TTPA: variants seen among roughly 807,000 people sequenced by gnomAD.
TTPA encodes the protein alpha-tocopherol transfer protein.
In TTPA, 23 loss-of-function variants were observed where a neutral mutation model predicts 25.9. The observed-to-expected ratio is 0.89, with a 90% CI of 0.64 to 1.26. The LOEUF (loss-of-function observed/expected upper bound fraction) is 1.26, where lower values mean the gene tolerates loss of function less well. Among genes scored for constraint, TTPA ranks in the 50% most tolerant of loss-of-function variants. TTPA has a pLI of 0.00. For missense variants in TTPA, 337 were observed against 353.1 expected (o/e 0.95, Z 0.37); for synonymous variants, 148 against 137.3 (o/e 1.08, Z -0.54).
intron 1 of TTPA, among the ~76,000 whole-genome samples, chr8:63,082,171 C>T (rs921273202): frequency 2.0e-5 from 3 of 152,138 alleles, no homozygotes; most frequent in African/African-American, 7.2e-5. Flanking sequence ...CAAAAAAGAG[C>T]CCACATTGCC....
At chr8:63,082,232 C>T (rs1270731699) in intron 1 of TTPA, among the ~76,000 whole-genome samples, 1 of 152,152 alleles carries the variant, frequency 6.6e-6, no homozygotes, top group Non-Finnish European at 1.5e-5. Context: ...TGCTACCTGA[C>T]TTCAAACTAC....
intron 2 of TTPA, among the ~76,000 whole-genome samples, chr8:63,068,895 C>T (rs1161191614): frequency 6.6e-6 from 1 of 152,184 alleles, no homozygotes. Flanking sequence ...TGGCTCACAC[C>T]TGTGATCCCA....
In TTPA at chr8:63,066,083, T is replaced by C. The variant is rs1270777752; in HGVS notation, c.373A>G (p.Lys125Glu). Residue 125 changes from lysine to glutamate, a missense_variant, in exon 3 of 5, where the codon AAA becomes GAA. Transcript: ENST00000260116. ...LIYRIAHWDP[K>E]VFTAYDVFRV... ...AATACGTCATAAGCTGTAAAAACTT[T>C]GGGGTCCCAGTGTGCTAAAAAAAAT... The C allele has an allele frequency of 4.6e-6, 7 of 1,530,408 alleles. No homozygotes were observed. Among genetic ancestry groups the C allele is most frequent in the East Asian group, 2.4e-5 (1 of 42,068 alleles). 94.8% of individuals were successfully genotyped at this position (1,530,408 alleles called of 1,614,324 possible). A position where few individuals can be genotyped will look rare whatever the true frequency, so the allele number is the denominator to read the frequency against.
At chr8:63,075,706 A>G (rs1805552112) in intron 1 of TTPA, among the ~76,000 whole-genome samples, 1 of 151,048 alleles carries the variant, frequency 6.6e-6, no homozygotes, top group South Asian at 2.1e-4. Flanking sequence ...CTCAAAAAAA[A>G]AAAAAAAAAA....
intron 1 of TTPA, among the ~76,000 whole-genome samples, chr8:63,081,478 T>G (rs116634539): frequency 0.017 from 2,597 of 152,212 alleles, 79 homozygotes; most frequent in African/African-American, 0.06. Context: ...ACTAGATATT[T>G]ATGGAACGTA....
At chr8:63,069,291 T>TAA (rs36009249) in intron 2 of TTPA, among the ~76,000 whole-genome samples, 2 of 143,246 alleles carry the variant, frequency 1.4e-5, no homozygotes, top group East Asian at 2.0e-4. Flanking sequence ...CTATAATGAT[T>TAA]AAAAAAAAAA....
chr8:63,074,829 G>A (rs1805537106), intron 1 of TTPA, among the ~76,000 whole-genome samples: 1 of 152,132 alleles, frequency 6.6e-6, no homozygotes, highest in Admixed American at 6.5e-5. Context: ...TTCATTAGAA[G>A]GGATCATTTA....
chr8:63,064,184 G>T, intron 4 of TTPA, 22 bp downstream of exon 4: 1 of 1,543,100 alleles, frequency 6.5e-7, no homozygotes, highest in South Asian at 1.1e-5. Flanking sequence ...GAGGAACACA[G>T]ACTTGAATAT....
intron 4 of TTPA, 71 bp downstream of exon 4, chr8:63,064,135 G>C (rs1805350634): frequency 9.0e-7 from 1 of 1,111,234 alleles, no homozygotes; most frequent in African/African-American, 1.5e-5. Context: ...AGATGATAAA[G>C]CAATCCTTAA....
Position 63,085,756 on chromosome 8 carries a change from TG to T in TTPA, c.204+61del, listed in dbSNP as rs1585698353. The T allele has an allele frequency of 1.6e-5, 23 of 1,463,660 alleles. No homozygotes were observed. In the East Asian group the frequency reaches 6.3e-4, roughly 40 times the overall value. The allele number at this position is 1,463,660 out of a possible 1,614,324, so 90.7% of individuals were successfully genotyped here. A position where few individuals can be genotyped will look rare whatever the true frequency, so the allele number is the denominator to read the frequency against. On this transcript the variant is annotated intron_variant, in intron 1 of 4. Transcript: ENST00000260116. The stretch of plus-strand genomic sequence containing the variant: ...GGCAGGGGTCAGATATCCGGGGTCG[TG>T]GGGCGGGGGACGGGGCGGGTGAGGT...
rs749637195 is a variant in TTPA at position 63,061,227 on chromosome 8, G to C, written c.*25C>G. On this transcript the variant is annotated 3_prime_UTR_variant, in exon 5 of 5. Transcript: ENST00000260116. ...ATATCACTCATGTATTTTTAGTTAG[G>C]AAGCCATTCACATGACATAACTTCT... is the stretch of plus-strand genomic sequence containing the variant. 6.2e-7 allele frequency: 1 copy of C among 1,609,476 alleles called. No individual in the cohort carries two copies. The highest frequency in any genetic ancestry group is 1.7e-5 in the Admixed American group (1 of 60,008).
intron 3 of TTPA, 110 bp downstream of exon 3, chr8:63,065,794 G>A: frequency 8.3e-7 from 1 of 1,204,688 alleles, no homozygotes; most frequent in Admixed American, 2.1e-5. Flanking sequence ...TTCCAAAATT[G>A]TATTTAAATT....
rs371651447 is a variant in TTPA, at chr8:63,073,075, T to C, written c.218A>G (p.Tyr73Cys). ...LDLAWRLLKN[Y>C]YKWRAECPEI... ...TGGACATTCTGCTCTCCACTTATAA[T>C]AGTTTTTTAGTAACTGAAAAATAAA... Residue 73 changes from tyrosine (Y) to cysteine (C), a missense_variant, in exon 2 of 5, where the codon TAT (tyrosine) becomes TGT (cysteine). Tyr to Cys is a radical substitution (Grantham distance 194, BLOSUM62 -2). Transcript: ENST00000260116. 8.1e-6 allele frequency: 13 copies of C among 1,610,384 alleles called. No homozygotes were observed. The highest frequency in any genetic ancestry group is 7.7e-5 in the South Asian group (7 of 90,954).
At chr8:63,082,332 A>C (rs1419156739) in intron 1 of TTPA, among the ~76,000 whole-genome samples, 3 of 152,170 alleles carry the variant, frequency 2.0e-5, no homozygotes, top group Non-Finnish European at 4.4e-5. Flanking sequence ...CTCAGAAATA[A>C]CACCACACAT....
intron 2 of TTPA, among the ~76,000 whole-genome samples, chr8:63,071,689 G>A (rs1160057914): frequency 6.6e-6 from 1 of 152,056 alleles, no homozygotes; most frequent in African/African-American, 2.4e-5. Flanking sequence ...TCATGAGGAT[G>A]GAACCCTCAT....
At chr8:63,075,445 C>T (rs769572741) in intron 1 of TTPA, among the ~76,000 whole-genome samples, 1 of 152,080 alleles carries the variant, frequency 6.6e-6, no homozygotes, top group Admixed American at 6.5e-5. Flanking sequence ...TCCAGCCAGG[C>T]ACAGTGGCTC....
chr8:63,085,987 G>T lies in TTPA; in HGVS notation c.35C>A (p.Pro12Gln). The change falls in exon 1 of 5, where the codon CCG becomes CAG. Residue 12 changes from proline (P) to glutamine (Q), a missense_variant. Pro to Gln is a moderately conservative substitution (Grantham distance 76, BLOSUM62 -1). Coordinates refer to ENST00000260116, the MANE Select transcript of TTPA (RefSeq NM_000370.3). ...AEARSQPSAG[P>Q]QLNALPDHSP... ...GTGGTCCGGTAGCGCGTTGAGCTGC[G>T]GCCCCGCCGAGGGCTGGGATCGCGC... is the stretch of plus-strand genomic sequence containing the variant. 6.7e-7 allele frequency: 1 copy of T among 1,494,178 alleles called. No individual in the cohort carries two copies. The highest frequency in any genetic ancestry group is 8.8e-7 in the Non-Finnish European group (1 of 1,130,006). The allele number at this position is 1,494,178 out of a possible 1,614,324, so 92.6% of individuals were successfully genotyped here.
chr8:63,066,216 A>G (rs1472412466), intron 2 of TTPA, 119 bp from the exon 3 acceptor site: 10 of 1,051,338 alleles, frequency 9.5e-6, no homozygotes, highest in Non-Finnish European at 1.4e-5. Flanking sequence ...ATCTACAAAG[A>G]TCAAGAATTG....
chr8:63,082,537 C>T (rs1805680087), intron 1 of TTPA, among the ~76,000 whole-genome samples: 1 of 152,156 alleles, frequency 6.6e-6, no homozygotes, highest in Non-Finnish European at 1.5e-5. Context: ...ACCATAAAAA[C>T]CCTAGAAGAA....
Sources: allele counts gnomAD v4.1 joint callset (sites outside exome capture counted in the v4.1 genomes callset), GRCh38; gene constraint gnomAD v4.1.1; transcripts MANE v1.5; gene names NCBI Gene and HGNC (gene_info 2026-07-23, HGNC 2026-07-21).